Variants in CAMK4 observed in about 807,000 individuals in gnomAD.
CAMK4 encodes calcium/calmodulin dependent protein kinase IV.
In CAMK4, 22 loss-of-function variants were observed where a neutral mutation model predicts 44.9. That is an observed-to-expected ratio of 0.49 (90% confidence interval 0.35 to 0.70). The LOEUF (loss-of-function observed/expected upper bound fraction) is 0.70. CAMK4 is among the 30% of genes least tolerant of loss of function. CAMK4 has a pLI of 0.01. For synonymous variants in CAMK4, 218 were observed against 215.4 expected (o/e 1.01, Z -0.11); for missense variants, 498 against 586.8 (o/e 0.85, Z 1.56).
At chr5:111,277,085 A>G (rs1046952895) in intron 1 of CAMK4, among the ~76,000 whole-genome samples, 6 of 152,250 alleles carry the variant, frequency 3.9e-5, no homozygotes, top group Non-Finnish European at 7.3e-5. Context: ...CCCAAAATGT[A>G]CTATTGAAAA....
At chr5:111,357,958 T>G (rs964046479) in intron 2 of CAMK4, 4 of 152,070 alleles carry the variant, frequency 2.6e-5, no homozygotes, top group Non-Finnish European at 4.4e-5. Context: ...CTGGGCATTT[T>G]TTATAGATGC....
At chr5:111,469,444 A>C (rs944527426) in intron 7 of CAMK4, among the ~76,000 whole-genome samples, 2 of 152,222 alleles carry the variant, frequency 1.3e-5, no homozygotes, top group South Asian at 4.1e-4. Flanking sequence ...AAAGAAATAA[A>C]TTGCCTTTGG....
At chr5:111,340,499 T>C (rs1749595253) in intron 1 of CAMK4, among the ~76,000 whole-genome samples, 1 of 151,402 alleles carries the variant, frequency 6.6e-6, no homozygotes, top group African/African-American at 2.4e-5. Flanking sequence ...TTTCATTTTG[T>C]TAGTGTGGTA....
At chr5:111,458,251 G>A (rs912798374) in intron 7 of CAMK4, among the ~76,000 whole-genome samples, 16 of 152,210 alleles carry the variant, frequency 1.1e-4, no homozygotes, top group Admixed American at 3.3e-4. Flanking sequence ...ACAGGGTGGC[G>A]AGGAAGGGTC....
At chr5:111,316,419 T>C (rs911612946) in intron 1 of CAMK4, among the ~76,000 whole-genome samples, 3 of 152,170 alleles carry the variant, frequency 2.0e-5, no homozygotes, top group South Asian at 2.1e-4. Context: ...ATACTTTGAG[T>C]TGTAACCTTC....
At chr5:111,254,666 A>G (rs560515809) in intron 1 of CAMK4, among the ~76,000 whole-genome samples, 2 of 152,276 alleles carry the variant, frequency 1.3e-5, no homozygotes, top group Admixed American at 6.5e-5. Flanking sequence ...ACTCCTGAGT[A>G]TGTACATTTC....
intron 1 of CAMK4, among the ~76,000 whole-genome samples, chr5:111,293,601 A>G (rs1387256078): frequency 6.7e-6 from 1 of 150,042 alleles, no homozygotes; most frequent in Non-Finnish European, 1.5e-5. Context: ...TAATTTTTGT[A>G]TTTTTAGTTG....
intron 1 of CAMK4, among the ~76,000 whole-genome samples, chr5:111,256,092 G>A (rs1009110226): frequency 6.6e-6 from 1 of 152,106 alleles, no homozygotes; most frequent in African/African-American, 2.4e-5. Flanking sequence ...CCATACCATG[G>A]CTGCTACTCA....
intron 5 of CAMK4, among the ~76,000 whole-genome samples, chr5:111,430,074 T>TA (rs1753386746): frequency 1.3e-5 from 2 of 152,052 alleles, no homozygotes; most frequent in African/African-American, 4.8e-5. Flanking sequence ...TTCAACAAAA[T>TA]ATTAGCAAGC....
intron 7 of CAMK4, 96 bp from the exon 8 acceptor site, chr5:111,473,215 A>G (rs888176763): frequency 2.4e-6 from 2 of 847,486 alleles, no homozygotes; most frequent in African/African-American, 1.7e-5. Context: ...CTGTTCAGAA[A>G]TTGTTTTGAT....
chr5:111,478,870 T>C (rs1755334589), intron 9 of CAMK4, among the ~76,000 whole-genome samples: 1 of 152,138 alleles, frequency 6.6e-6, no homozygotes, highest in Non-Finnish European at 1.5e-5. Context: ...TTAGATGTAC[T>C]TCATTTCTTT....
At chr5:111,284,126 C>T (rs962143508) in intron 1 of CAMK4, among the ~76,000 whole-genome samples, 2 of 152,156 alleles carry the variant, frequency 1.3e-5, no homozygotes, top group Non-Finnish European at 2.9e-5. Flanking sequence ...TCTGCTATCA[C>T]AAATTATTTA....
chr5:111,324,721 A>G (rs553982595), intron 1 of CAMK4, among the ~76,000 whole-genome samples: 1 of 152,248 alleles, frequency 6.6e-6, no homozygotes, highest in South Asian at 2.1e-4. Context: ...AGAACATCAG[A>G]TTAAATAACT....
intron 1 of CAMK4, among the ~76,000 whole-genome samples, chr5:111,303,365 T>C (rs1747815543): frequency 1.4e-5 from 1 of 72,102 alleles, no homozygotes; most frequent in South Asian, 5.8e-4. Flanking sequence ...TAGAAGAATG[T>C]ATAACTAGAA....
At position 111,224,479 on chromosome 5, in the gene CAMK4, C is replaced by A; in HGVS notation, c.-5C>A. 1 of 1,596,486 alleles carries A rather than the reference C, an allele frequency of 6.3e-7. No homozygotes were observed. The highest frequency in any genetic ancestry group is 8.5e-7 in the Non-Finnish European group (1 of 1,173,894). On this transcript the variant is annotated 5_prime_UTR_variant, in exon 1 of 11. Coordinates refer to ENST00000282356, the MANE Select transcript of CAMK4 (RefSeq NM_001744.6). The surrounding 1 kb of genome is among the most constrained non-coding windows in gnomAD (Gnocchi z 5.7). Reference sequence around the variant, plus strand: ...GGCGGCGGCTTCCGGAGTCCCGCTGCGAAGATGCTCAAAGTCACGGTGCCC... The same window carrying A: ...GGCGGCGGCTTCCGGAGTCCCGCTGAGAAGATGCTCAAAGTCACGGTGCCC...
At chr5:111,326,707 A>G (rs919722195) in intron 1 of CAMK4, among the ~76,000 whole-genome samples, 15 of 151,788 alleles carry the variant, frequency 9.9e-5, no homozygotes, top group Non-Finnish European at 1.9e-4. Context: ...ACAAAGAAAC[A>G]TTCTGTGAAT....
intron 1 of CAMK4, among the ~76,000 whole-genome samples, chr5:111,316,469 G>T (rs1035969558): frequency 1.3e-5 from 2 of 152,118 alleles, no homozygotes; most frequent in South Asian, 2.1e-4. Flanking sequence ...AACACCTGAG[G>T]TGACTTTTTC....
intron 1 of CAMK4, among the ~76,000 whole-genome samples, chr5:111,242,238 C>T (rs1156891263): frequency 1.3e-5 from 2 of 152,118 alleles, no homozygotes; most frequent in Non-Finnish European, 2.9e-5. Flanking sequence ...CATATTCTCC[C>T]ACTTAATACA....
intron 9 of CAMK4, among the ~76,000 whole-genome samples, chr5:111,479,420 G>A (rs1397084441): frequency 6.6e-6 from 1 of 152,134 alleles, no homozygotes; most frequent in Admixed American, 6.5e-5. Context: ...ATAAAATAAA[G>A]AGGATGCTAA....
Sources: gnomAD v4.1 joint callset for allele counts (sites outside exome capture counted in the v4.1 genomes callset) on GRCh38, gnomAD v4.1.1 for gene constraint, Gnocchi (gnomAD v3.1) non-coding constraint, MANE v1.5 for transcripts, NCBI Gene and HGNC (gene_info 2026-07-23, HGNC 2026-07-21) for gene names.